The following ATF6 variants were observed in gnomAD, a reference collection of about 807,000 sequenced individuals.
ATF6 encodes activating transcription factor 6.
Under a neutral mutation model 83.6 loss-of-function variants are expected in ATF6, and 53 were observed. The ratio of observed to expected loss-of-function variants is 0.63; its 90% CI spans 0.51 to 0.80. The LOEUF is 0.80. ATF6 is among the 30% of genes least tolerant of loss of function. The probability of loss-of-function intolerance (pLI) is 0.00; values close to 1 mark genes in which losing one functional copy is unlikely to be tolerated. For synonymous variants in ATF6, 288 were observed against 285.8 expected, an observed-to-expected ratio of 1.01 and a Z score of -0.08; for missense variants, 744 against 797.9, an observed-to-expected ratio of 0.93 and a Z score of 0.81.
intron 6 of ATF6, among the ~76,000 whole-genome samples, chr1:161,801,300 C>T (rs1014140133): frequency 6.6e-6 from 1 of 150,892 alleles, no homozygotes; most frequent in African/African-American, 2.4e-5. Flanking sequence ...TTTATGTTTA[C>T]CGTGATTGTT....
Position 161,851,651 on chromosome 1 carries a change from T to C in ATF6, c.1320-71T>C, listed in dbSNP as rs1028923388. 19 of 1,029,320 alleles carry C rather than the reference T, an allele frequency of 1.8e-5. No individual in the cohort carries two copies. In the African/African-American group the frequency reaches 3.0e-4, roughly 16 times the overall value. The allele number at this position is 1,029,320 out of a possible 1,614,324, so 63.8% of individuals were successfully genotyped here. A position where few individuals can be genotyped will look rare whatever the true frequency, so the allele number is the denominator to read the frequency against. On this transcript the variant is annotated intron_variant, in intron 10 of 15. Coordinates refer to ENST00000367942, the MANE Select transcript of ATF6 (RefSeq NM_007348.4). ...TTCCATGAAAAGTTAACACTAATGA[T>C]GATTTTCTTATAGCAAACTTCTTAG...
chr1:161,895,340 T>C (rs1165289054), intron 14 of ATF6, among the ~76,000 whole-genome samples: 1 of 152,246 alleles, frequency 6.6e-6, no homozygotes, highest in African/African-American at 2.4e-5. Flanking sequence ...TTTACTAGCC[T>C]AACAAAATCA....
intron 2 of ATF6, among the ~76,000 whole-genome samples, chr1:161,779,609 T>C (rs1342748207): frequency 6.6e-6 from 1 of 152,232 alleles, no homozygotes; most frequent in Non-Finnish European, 1.5e-5. Context: ...TGGCTGAAGA[T>C]TGAGTCAGAA....
At chr1:161,851,274 A>ACC (rs1686621179) in intron 10 of ATF6, among the ~76,000 whole-genome samples, 5 of 144,228 alleles carry the variant, frequency 3.5e-5, no homozygotes, top group South Asian at 2.2e-4. Context: ...ACACACACAC[A>ACC]CCCCTACCTG....
At chr1:161,933,030 A>G (rs540518677) in intron 15 of ATF6, among the ~76,000 whole-genome samples, 1 of 152,266 alleles carries the variant, frequency 6.6e-6, no homozygotes, top group East Asian at 1.9e-4. Context: ...TTGTAACCTA[A>G]TCTCAGAGTT....
chr1:161,807,490 A>G (rs1685317734), intron 7 of ATF6, among the ~76,000 whole-genome samples: 1 of 152,244 alleles, frequency 6.6e-6, no homozygotes, highest in Admixed American at 6.5e-5. Flanking sequence ...GCTGCAAAGT[A>G]GAGGAATCTA....
At chr1:161,799,999 C>T (rs1458953314) in intron 6 of ATF6, among the ~76,000 whole-genome samples, 1 of 151,590 alleles carries the variant, frequency 6.6e-6, no homozygotes, top group Non-Finnish European at 1.5e-5. Flanking sequence ...TATTTTAGTA[C>T]CTTCATTTTG....
At chr1:161,924,076 C>T (rs1003685349) in intron 15 of ATF6, among the ~76,000 whole-genome samples, 1 of 152,118 alleles carries the variant, frequency 6.6e-6, no homozygotes, top group Non-Finnish European at 1.5e-5. Context: ...TGCACTTTGT[C>T]AGAAGATGAG....
intron 1 of ATF6, among the ~76,000 whole-genome samples, chr1:161,766,931 G>A (rs1415339853): frequency 2.0e-5 from 3 of 152,158 alleles, no homozygotes; most frequent in Non-Finnish European, 4.4e-5. Context: ...TGGCAGAAAA[G>A]CAAAACACCC....
chr1:161,926,966 G>T (rs952553999), intron 15 of ATF6, among the ~76,000 whole-genome samples: 1 of 151,344 alleles, frequency 6.6e-6, no homozygotes, highest in African/African-American at 2.4e-5. Flanking sequence ...TTGGTTCCAT[G>T]TTTTTTTTTA....
chr1:161,823,012 A>G (rs1251762453), intron 9 of ATF6, among the ~76,000 whole-genome samples: 10 of 152,156 alleles, frequency 6.6e-5, no homozygotes, highest in Admixed American at 6.5e-4. Context: ...TTTTAATACT[A>G]CATAGTTTTT....
intron 9 of ATF6, among the ~76,000 whole-genome samples, chr1:161,825,763 G>T (rs1374214858): frequency 6.6e-6 from 1 of 152,104 alleles, no homozygotes; most frequent in African/African-American, 2.4e-5. Context: ...CATTAGGTAG[G>T]TGTGATTGAT....
rs16829226 is a variant in ATF6, at chr1:161,942,229, A to G, written c.1805-16217A>G. On this transcript the variant is annotated intron_variant, in intron 15 of 15. Coordinates refer to ENST00000367942, the MANE Select transcript of ATF6 (RefSeq NM_007348.4). ...CTCATACCATCACAGGAAAACAGCA[A>G]TCATTGTTAACCCCCATCCATTGGG... Among the ~76,000 whole-genome samples the G allele has an allele frequency of 3.9e-3, 589 of 152,306 alleles. 6 individuals are homozygous for G. The highest frequency in any genetic ancestry group is 0.013 in the African/African-American group (544 of 41,562).
In ATF6 at chr1:161,962,771, T is replaced by C. The variant is rs1406550576; in HGVS notation, c.*4117T>C. On this transcript the variant is annotated 3_prime_UTR_variant, in exon 16 of 16. Transcript: ENST00000367942. The stretch of plus-strand genomic sequence containing the variant: ...AGCCGACTGAGATCTTTTCATACTA[T>C]TGGCTATTTCATACCAATTAACCTC... The C allele has an allele frequency of 6.6e-6, 1 of 152,240 alleles. No individual in the cohort carries two copies. Among genetic ancestry groups the C allele is most frequent in the African/African-American group, 2.4e-5 (1 of 41,470 alleles). The allele number at this position is 152,240 out of a possible 1,614,324, so 9.4% of individuals were successfully genotyped here.
chr1:161,865,425 T>G (rs1686975660), intron 14 of ATF6, among the ~76,000 whole-genome samples: 1 of 152,236 alleles, frequency 6.6e-6, no homozygotes, highest in South Asian at 2.1e-4. Flanking sequence ...CCCAGAGTGC[T>G]GGAATTACAG....
chr1:161,870,008 T>A (rs921631922), intron 14 of ATF6, among the ~76,000 whole-genome samples: 1 of 131,066 alleles, frequency 7.6e-6, no homozygotes, highest in Non-Finnish European at 1.6e-5. Flanking sequence ...AATTGATAGA[T>A]TCTAATTTAA....
At chr1:161,799,276 G>T (rs947965246) in intron 6 of ATF6, among the ~76,000 whole-genome samples, 39 of 152,158 alleles carry the variant, frequency 2.6e-4, no homozygotes, top group Non-Finnish European at 4.4e-5. Context: ...CATGTTCTTT[G>T]CAGCAACATG....
intron 15 of ATF6, among the ~76,000 whole-genome samples, chr1:161,949,844 A>G (rs1688827570): frequency 6.6e-6 from 1 of 152,172 alleles, no homozygotes; most frequent in East Asian, 1.9e-4. Flanking sequence ...CCCACCTCCA[A>G]CATTAGAGAT....
chr1:161,829,189 CTTTTTTTTTT>C (rs35619050), intron 9 of ATF6, among the ~76,000 whole-genome samples: 16 of 72,590 alleles, frequency 2.2e-4, no homozygotes, highest in Non-Finnish European at 2.8e-4. Context: ...TAATGGGAGA[CTTTTTTTTTT>C]TTTTTTTTTT....
Sources: gnomAD v4.1 joint callset for allele counts (sites outside exome capture counted in the v4.1 genomes callset) on GRCh38, gnomAD v4.1.1 for gene constraint, MANE v1.5 for transcripts, NCBI Gene and HGNC (gene_info 2026-07-23, HGNC 2026-07-21) for gene names.